The following ARRB1 variants were observed in gnomAD, a reference collection of about 807,000 sequenced individuals.
ARRB1 encodes beta-arrestin-1.
A neutral mutation model predicts 56.8 loss-of-function variants in ARRB1; 21 were observed. The observed-to-expected ratio is 0.37, with a 90% CI of 0.26 to 0.53. ARRB1 has a LOEUF of 0.53. Ranked by LOEUF, ARRB1 falls within the 20% of genes least tolerant of loss-of-function variation. The pLI, the probability that ARRB1 is intolerant of heterozygous loss-of-function variation, is 0.88. For synonymous variants in ARRB1, 210 were observed against 218.6 expected, an observed-to-expected ratio of 0.96 and a Z score of 0.35; for missense variants, 424 against 553.7, an observed-to-expected ratio of 0.77 and a Z score of 2.35.
At chr11:75,292,120 C>T (rs938120971) in intron 1 of ARRB1, among the ~76,000 whole-genome samples, 21 of 137,992 alleles carry the variant, frequency 1.5e-4, no homozygotes, top group African/African-American at 5.5e-4. Flanking sequence ...GGCTTTTCTC[C>T]TGCTCATAAA....
intron 5 of ARRB1, among the ~76,000 whole-genome samples, chr11:75,282,651 C>G (rs1946375821): frequency 6.6e-6 from 1 of 152,238 alleles, no homozygotes; most frequent in African/African-American, 2.4e-5. Context: ...TTCTGACCTC[C>G]AGAGCTGTAA....
At chr11:75,267,926 A>G (rs530519554) in intron 14 of ARRB1, among the ~76,000 whole-genome samples, 5 of 152,376 alleles carry the variant, frequency 3.3e-5, no homozygotes, top group Admixed American at 2.0e-4. Context: ...TCCCCACTGC[A>G]GCCCCAGAAG....
intron 6 of ARRB1, 46 bp from the exon 7 acceptor site, chr11:75,281,188 T>C (rs752253028): frequency 6.5e-7 from 1 of 1,542,196 alleles, no homozygotes. Flanking sequence ...AGAAGCAGGG[T>C]CCCCAGTACA....
intron 11 of ARRB1, among the ~76,000 whole-genome samples, chr11:75,273,634 G>A (rs543267981): frequency 1.5e-4 from 23 of 152,294 alleles, no homozygotes; most frequent in Admixed American, 1.2e-3. Context: ...GCCTAGAGGC[G>A]TCCACGATGA....
chr11:75,306,575 AAAG>A (rs1196851782), intron 1 of ARRB1: 1 of 1,286,222 alleles, frequency 7.8e-7, no homozygotes, highest in African/African-American at 1.5e-5. Context: ...ATGAGAGCCC[AAAG>A]ATTCAGTGGA....
intron 1 of ARRB1, among the ~76,000 whole-genome samples, chr11:75,315,826 C>T (rs945436810): frequency 5.9e-5 from 9 of 152,228 alleles, no homozygotes; most frequent in African/African-American, 2.2e-4. Flanking sequence ...CAAACACCTG[C>T]CCTGGAACTC....
At chr11:75,351,497 C>G in intron 1 of ARRB1, 91 bp downstream of exon 1, 1 of 1,484,266 alleles carries the variant, frequency 6.7e-7, no homozygotes, top group African/African-American at 1.5e-5. Flanking sequence ...TGGCCGCGAA[C>G]GCAGAACCAG....
In ARRB1 at chr11:75,263,033, A is replaced by C. The variant is rs2140384215; in HGVS notation, c.*3130T>G. ...GGGCATGCTTTTCCTTCCTGCCCGG[A>C]CCGGTGTCCACACGCCACCCACAGG... On this transcript the variant is annotated 3_prime_UTR_variant, in exon 16 of 16. Coordinates refer to ENST00000420843, the MANE Select transcript of ARRB1 (RefSeq NM_004041.5). 6.6e-6 allele frequency among the ~76,000 whole-genome samples: 1 copy of C among 152,322 alleles called. No individual in the cohort carries two copies. The highest frequency in any genetic ancestry group is 1.9e-4 in the East Asian group (1 of 5,190).
intron 7 of ARRB1, 154 bp downstream of exon 7, chr11:75,280,921 T>C: frequency 1.2e-6 from 1 of 862,670 alleles, no homozygotes; most frequent in Non-Finnish European, 1.8e-6. Context: ...AAGCCCTCCG[T>C]GACCTCCCAG....
At chr11:75,305,597 T>C (rs767353953) in intron 1 of ARRB1, among the ~76,000 whole-genome samples, 1 of 152,170 alleles carries the variant, frequency 6.6e-6, no homozygotes, top group Non-Finnish European at 1.5e-5. Context: ...GGAGGGCCAG[T>C]TGTTACCAGC....
At chr11:75,337,159 G>A (rs1424131267) in intron 1 of ARRB1, among the ~76,000 whole-genome samples, 1 of 152,112 alleles carries the variant, frequency 6.6e-6, no homozygotes, top group Non-Finnish European at 1.5e-5. Context: ...CCTTTTCAAA[G>A]TCAGTTTCAG....
chr11:75,299,307 G>A (rs1301060207), intron 1 of ARRB1, among the ~76,000 whole-genome samples: 3 of 151,736 alleles, frequency 2.0e-5, no homozygotes, highest in Non-Finnish European at 4.4e-5. Context: ...ACTGACAGGA[G>A]TTGAAGAAGA....
intron 4 of ARRB1, among the ~76,000 whole-genome samples, 193 bp from the exon 5 acceptor site, chr11:75,283,676 G>A (rs924831099): frequency 1.6e-4 from 25 of 152,188 alleles, no homozygotes; most frequent in African/African-American, 5.5e-4. Flanking sequence ...CCTGGCCCCT[G>A]GGAGGAGGAG....
chr11:75,297,136 A>G (rs1433377472), intron 1 of ARRB1, among the ~76,000 whole-genome samples: 1 of 152,228 alleles, frequency 6.6e-6, no homozygotes, highest in Non-Finnish European at 1.5e-5. Context: ...CTTGATGTTA[A>G]GATGCCTACG....
chr11:75,336,975 A>G (rs1382776413), intron 1 of ARRB1, among the ~76,000 whole-genome samples: 1 of 152,232 alleles, frequency 6.6e-6, no homozygotes, highest in Non-Finnish European at 1.5e-5. Context: ...CAGCATGAAC[A>G]TTATGGAGAT....
chr11:75,333,197 G>T (rs1034006781), intron 1 of ARRB1, among the ~76,000 whole-genome samples: 1 of 152,194 alleles, frequency 6.6e-6, no homozygotes, highest in African/African-American at 2.4e-5. Flanking sequence ...CAGGTGCTAA[G>T]TGCTCTGAAG....
rs533803592 is a variant in ARRB1 at position 75,336,366 on chromosome 11, T to A, written c.20+15222A>T. On this transcript the variant is annotated intron_variant, in intron 1 of 15. Transcript: ENST00000420843. ...TCCCCACACCCTGCCAAGCTGCAGA[T>A]GGCCCCACCCCTACCTCCCACTGTC... Among the ~76,000 whole-genome samples the A allele has an allele frequency of 2.2e-4, 33 of 152,184 alleles. No homozygotes were observed. The South Asian group carries it at 6.6e-3, about 31-fold the overall frequency.
intron 15 of ARRB1, 28 bp from the exon 16 acceptor site, chr11:75,266,302 T>C: frequency 6.3e-7 from 1 of 1,592,882 alleles, no homozygotes; most frequent in Non-Finnish European, 8.6e-7. Flanking sequence ...GAAAATGTGG[T>C]GTGTTTGCAG....
intron 1 of ARRB1, among the ~76,000 whole-genome samples, chr11:75,334,167 T>C (rs990268864): frequency 1.3e-5 from 2 of 152,130 alleles, no homozygotes; most frequent in African/African-American, 4.8e-5. Flanking sequence ...TCATCTATAC[T>C]AAAAATACAA....
Sources: gnomAD v4.1 joint callset for allele counts (sites outside exome capture counted in the v4.1 genomes callset) on GRCh38, gnomAD v4.1.1 for gene constraint, MANE v1.5 for transcripts, NCBI Gene and HGNC (gene_info 2026-07-23, HGNC 2026-07-21) for gene names.